The following ARHGEF10 variants were observed in gnomAD, a reference collection of about 807,000 sequenced individuals.
ARHGEF10 encodes Rho guanine nucleotide exchange factor (GEF) 10.
In ARHGEF10, 140 loss-of-function variants were observed where a neutral mutation model predicts 147.4. The observed-to-expected ratio is 0.95, with a 90% CI of 0.83 to 1.09. ARHGEF10 has a LOEUF of 1.09. Among genes scored for constraint, ARHGEF10 ranks in the 50% least tolerant of loss-of-function variants. The probability of loss-of-function intolerance (pLI) is 0.00; values close to 1 mark genes in which losing one functional copy is unlikely to be tolerated. For missense variants in ARHGEF10, 2,222 were observed against 1,752.7 expected (o/e 1.27, Z -4.78); for synonymous variants, 902 against 695.8 (o/e 1.30, Z -4.67).
chr8:1,895,949 A>G (rs1361177402), intron 13 of ARHGEF10, among the ~76,000 whole-genome samples: 2 of 152,114 alleles, frequency 1.3e-5, no homozygotes, highest in Non-Finnish European at 2.9e-5. Flanking sequence ...TTCTCAGGAT[A>G]TTGGGCCCAC....
At position 1,956,804 on chromosome 8, in the gene ARHGEF10, G is replaced by C. The variant is rs1244694967; in HGVS notation, c.3576G>C (p.Leu1192=). 6.2e-7 allele frequency: 1 copy of C among 1,614,002 alleles called. No homozygotes were observed. The highest frequency in any genetic ancestry group is 1.3e-5 in the African/African-American group (1 of 75,016). ...AHNSPVKFIV[L]ATALHEKDKD... is the part of the protein sequence containing the mutation. ...ACAGTCCTGTCAAATTCATCGTCCT[G>C]GCCACGGCTCTGCACGAGAAAGACA... The change falls in exon 29 of 29, where the codon CTG becomes CTC. Residue 1192 remains leucine, a synonymous_variant. Coordinates refer to ENST00000349830, the MANE Select transcript of ARHGEF10 (RefSeq NM_014629.4).
At position 1,860,188 on chromosome 8, in the gene ARHGEF10, C is replaced by G. The variant is rs774067194; in HGVS notation, c.481+4C>G. On this transcript the variant is annotated splice_donor_region_variant and intron_variant, in intron 4 of 28. Transcript: ENST00000349830. ...GCCACGTCCCTGGACGAAGAAGGTA[C>G]TGCTACCCTCCTCTCCACGCCCCCG... is the stretch of plus-strand genomic sequence containing the variant. The G allele has an allele frequency of 9.9e-6, 16 of 1,611,202 alleles. No individual in the cohort carries two copies. Among genetic ancestry groups the G allele is most frequent in the Admixed American group, 1.7e-5 (1 of 59,962 alleles).
At chr8:1,906,056 C>T (rs185428477) in intron 17 of ARHGEF10, among the ~76,000 whole-genome samples, 191 of 152,250 alleles carry the variant, frequency 1.3e-3, no homozygotes, top group African/African-American at 4.5e-3. Context: ...ACCTGCTTCT[C>T]TATAAATATA....
At chr8:1,953,409 G>T (rs990768356) in intron 28 of ARHGEF10, among the ~76,000 whole-genome samples, 1 of 152,126 alleles carries the variant, frequency 6.6e-6, no homozygotes, top group Non-Finnish European at 1.5e-5. Flanking sequence ...TGTGAAGAAG[G>T]AAGCCGGGGA....
At chr8:1,919,090 A>G (rs1447094256) in intron 18 of ARHGEF10, among the ~76,000 whole-genome samples, 6 of 138,810 alleles carry the variant, frequency 4.3e-5, no homozygotes, top group African/African-American at 1.7e-4. Flanking sequence ...GGGGTGATGG[A>G]GCTCTTCCGT....
At chr8:1,859,647 G>C (rs1352492732) in intron 3 of ARHGEF10, among the ~76,000 whole-genome samples, 2 of 151,776 alleles carry the variant, frequency 1.3e-5, no homozygotes, top group African/African-American at 4.8e-5. Context: ...GCTTCTCCCT[G>C]ACTTAGCTCA....
intron 26 of ARHGEF10, 52 bp from the exon 27 acceptor site, chr8:1,945,429 C>T: frequency 1.3e-6 from 2 of 1,552,782 alleles, no homozygotes. Flanking sequence ...CCAACAGGCC[C>T]CACTCAGACT....
chr8:1,925,438 G>A (rs1438364816), intron 22 of ARHGEF10, 34 bp downstream of exon 22: 10 of 1,612,354 alleles, frequency 6.2e-6, no homozygotes, highest in Non-Finnish European at 8.5e-6. Flanking sequence ...CCCGGGGTGG[G>A]ACGCACCTCG....
chr8:1,835,617 G>A (rs1235520147), intron 1 of ARHGEF10, among the ~76,000 whole-genome samples: 2 of 152,178 alleles, frequency 1.3e-5, no homozygotes, highest in Non-Finnish European at 2.9e-5. Context: ...TTCGGCCAGC[G>A]TCCTTCCCAC....
chr8:1,850,151 C>CT (rs1563174371), intron 2 of ARHGEF10, among the ~76,000 whole-genome samples: 2,025 of 44,380 alleles, frequency 0.046, 293 homozygotes, highest in African/African-American at 0.11. Context: ...GGGTGTGGGG[C>CT]GGCCACGTGG....
intron 7 of ARHGEF10, among the ~76,000 whole-genome samples, chr8:1,873,047 C>G (rs923007763): frequency 6.6e-6 from 1 of 152,230 alleles, no homozygotes; most frequent in African/African-American, 2.4e-5. Context: ...CAACACACTG[C>G]GGGAGTCCAG....
rs138043149 is a variant in ARHGEF10, at chr8:1,858,085, G to T, written c.163G>T (p.Ala55Ser). 2.5e-6 allele frequency: 4 copies of T among 1,606,292 alleles called. No individual in the cohort carries two copies. In the African/African-American group the frequency reaches 5.5e-5, roughly 22 times the overall value. Reference protein sequence around the residue: ...QAPSAPETGGAGASEAPAPTG... With the variant: ...QAPSAPETGGSGASEAPAPTG... ...CCCATCCGCCCCTGAGACAGGAGGTGCTGGAGCCAGTGAAGCCCCTGCACC... is the reference window on the plus strand; with the variant it reads ...CCCATCCGCCCCTGAGACAGGAGGTTCTGGAGCCAGTGAAGCCCCTGCACC... The change falls in exon 3 of 29, where the codon GCT becomes TCT. Residue 55 changes from alanine (A) to serine (S), a missense_variant. Coordinates refer to ENST00000349830, the MANE Select transcript of ARHGEF10 (RefSeq NM_014629.4).
At chr8:1,837,258 G>A (rs1225412989) in intron 1 of ARHGEF10, among the ~76,000 whole-genome samples, 1 of 148,760 alleles carries the variant, frequency 6.7e-6, no homozygotes, top group Non-Finnish European at 1.5e-5. Flanking sequence ...CGGAGCCGCA[G>A]GACGGTCGGG....
rs776643949 is a variant in ARHGEF10 at position 1,928,581 on chromosome 8, C to T, written c.2852C>T (p.Pro951Leu). 2.4e-5 allele frequency: 39 copies of T among 1,614,228 alleles called. No individual in the cohort carries two copies. The highest frequency in any genetic ancestry group is 1.0e-4 in the Admixed American group (6 of 60,028). The stretch of plus-strand genomic sequence containing the variant: ...AAGCGCAGAGAGCCTGGGGCACCCC[C>T]GGACCCCGAGACCCCGGCCGTGAGA... ...EEKRREPGAP[P>L]DPETPAVRAS... Residue 951 changes from proline (P) to leucine (L), a missense_variant, in exon 24 of 29, where the codon CCG (proline) becomes CTG (leucine). Coordinates refer to ENST00000349830, the MANE Select transcript of ARHGEF10 (RefSeq NM_014629.4).
intron 1 of ARHGEF10, among the ~76,000 whole-genome samples, chr8:1,842,716 G>A (rs1056251063): frequency 1.3e-5 from 2 of 152,252 alleles, no homozygotes; most frequent in East Asian, 3.8e-4. Context: ...GTCTTAACAC[G>A]AGTCACCAGG....
At chr8:1,891,565 C>T (rs1479807482) in intron 11 of ARHGEF10, among the ~76,000 whole-genome samples, 2 of 152,198 alleles carry the variant, frequency 1.3e-5, no homozygotes, top group Non-Finnish European at 2.9e-5. Flanking sequence ...GCACCATCCG[C>T]AGCTCTCCCA....
At chr8:1,846,063 C>G (rs1362462547) in intron 2 of ARHGEF10, among the ~76,000 whole-genome samples, 1 of 152,232 alleles carries the variant, frequency 6.6e-6, no homozygotes, top group Non-Finnish European at 1.5e-5. Flanking sequence ...GTCACTAGCT[C>G]CAGGCTGCAG....
chr8:1,864,497 G>A (rs867309790), intron 5 of ARHGEF10, 61 bp downstream of exon 5: 81 of 1,543,780 alleles, frequency 5.2e-5, no homozygotes, highest in Middle Eastern at 3.4e-4. Flanking sequence ...GGAGCTGGAC[G>A]TGGGGATCCT....
At chr8:1,881,424 G>C (rs1201114206) in intron 9 of ARHGEF10, among the ~76,000 whole-genome samples, 2 of 152,218 alleles carry the variant, frequency 1.3e-5, no homozygotes, top group Non-Finnish European at 2.9e-5. Flanking sequence ...ATGTAGACAG[G>C]CTGTGCAGGA....
Sources: gnomAD v4.1 joint callset for allele counts (sites outside exome capture counted in the v4.1 genomes callset) on GRCh38, gnomAD v4.1.1 for gene constraint, MANE v1.5 for transcripts, NCBI Gene and HGNC (gene_info 2026-07-23, HGNC 2026-07-21) for gene names.